CENPC: variants seen among roughly 807,000 people sequenced by gnomAD.
The protein encoded by CENPC is CENP-C 1.
A neutral mutation model predicts 112.1 loss-of-function variants in CENPC; 63 were observed. The ratio of observed to expected loss-of-function variants is 0.56; its 90% CI spans 0.46 to 0.69. CENPC has a LOEUF of 0.69. CENPC is among the 30% of genes least tolerant of loss of function. The pLI is 0.00. For synonymous variants in CENPC, 333 were observed against 367.6 expected (o/e 0.91, Z 1.08); for missense variants, 1,000 against 1,103.8 (o/e 0.91, Z 1.33).
At chr4:67,510,358 AATTTCCAAGTC>A (rs1725860140) in intron 9 of CENPC, among the ~76,000 whole-genome samples, 1 of 152,156 alleles carries the variant, frequency 6.6e-6, no homozygotes, top group Non-Finnish European at 1.5e-5. Flanking sequence ...AGCTTTCCCT[AATTTCCAAGTC>A]TTAGGTAGCT....
At chr4:67,513,179 A>G (rs1725944650) in intron 8 of CENPC, among the ~76,000 whole-genome samples, 1 of 152,114 alleles carries the variant, frequency 6.6e-6, no homozygotes, top group Admixed American at 6.6e-5. Context: ...AAAGGCAAAG[A>G]AACAGACTTC....
At chr4:67,478,828 CACTT>C (rs1191905617) in intron 17 of CENPC, among the ~76,000 whole-genome samples, 2 of 152,164 alleles carry the variant, frequency 1.3e-5, no homozygotes, top group African/African-American at 4.8e-5. Context: ...TCAAAAGACT[CACTT>C]AACACATAAG....
chr4:67,517,533 C>T (rs1057398242), intron 7 of CENPC, among the ~76,000 whole-genome samples: 2 of 150,472 alleles, frequency 1.3e-5, no homozygotes. Flanking sequence ...CCTAACATAA[C>T]GATTTCTAAA....
At chr4:67,482,158 CA>C (rs1165686122) in intron 17 of CENPC, among the ~76,000 whole-genome samples, 3 of 151,412 alleles carry the variant, frequency 2.0e-5, no homozygotes, top group East Asian at 1.9e-4. Flanking sequence ...AAGAAGCACA[CA>C]AAAAAAATGC....
chr4:67,527,493 CTTTTTTTTT>C lies in CENPC; in HGVS notation c.331+3313_331+3321del, dbSNP rs11317672. Among the ~76,000 whole-genome samples, 325 of 68,138 alleles carry C rather than the reference CTTTTTTTTT, an allele frequency of 4.8e-3. 2 individuals carry two copies. The highest frequency in any genetic ancestry group is 0.018 in the African/African-American group (306 of 17,288). The allele number at this position is 68,138 out of a possible 152,430, so 44.7% of individuals were successfully genotyped here. On this transcript the variant is annotated intron_variant, in intron 5 of 18. Transcript: ENST00000273853. ...ACAACGCTAGAATTTTCACCCCATC[CTTTTTTTTT>C]TTTTTTTTTTTTTTTTTGAGACAGG...
intron 17 of CENPC, among the ~76,000 whole-genome samples, chr4:67,484,866 G>A (rs1725051329): frequency 6.6e-6 from 1 of 152,162 alleles, no homozygotes; most frequent in African/African-American, 2.4e-5. Context: ...GGCCTAGGTG[G>A]GCGGATCACG....
intron 5 of CENPC, among the ~76,000 whole-genome samples, chr4:67,525,381 T>C (rs753587209): frequency 1.3e-5 from 2 of 152,140 alleles, no homozygotes; most frequent in Non-Finnish European, 2.9e-5. Context: ...ACAGGCAACC[T>C]ACAGAATGGG....
intron 17 of CENPC, among the ~76,000 whole-genome samples, chr4:67,481,289 T>C (rs937447978): frequency 9.9e-5 from 15 of 152,202 alleles, no homozygotes; most frequent in African/African-American, 3.1e-4. Flanking sequence ...CCCATGCTCA[T>C]GGATGGGTAG....
chr4:67,514,505 G>C lies in CENPC; in HGVS notation c.1013C>G (p.Thr338Ser). The C allele has an allele frequency of 2.5e-6, 4 of 1,613,414 alleles. No homozygotes were observed. In the African/African-American group the frequency reaches 5.3e-5, roughly 22 times the overall value. The change falls in exon 8 of 19, where the codon ACT becomes AGT. Residue 338 changes from threonine to serine, a missense_variant. Coordinates refer to ENST00000273853, the MANE Select transcript of CENPC (RefSeq NM_001812.4). ...KQRTISPAESTALLQGRKSRE... is the reference protein window; with the variant it reads ...KQRTISPAESSALLQGRKSRE... The stretch of plus-strand genomic sequence containing the variant: ...TGACTTTCTACCTTGAAGGAGTGCA[G>C]TGCTCTCAGCCGGGGATATTGTGCG...
chr4:67,527,530 CTGA>C (rs1726421227), intron 5 of CENPC, among the ~76,000 whole-genome samples: 1 of 101,956 alleles, frequency 9.8e-6, no homozygotes, highest in Non-Finnish European at 1.8e-5. Flanking sequence ...GAGACAGGGT[CTGA>C]CTCTGTACCC....
chr4:67,533,080 A>G (rs878889869), intron 4 of CENPC, among the ~76,000 whole-genome samples: 1 of 152,164 alleles, frequency 6.6e-6, no homozygotes, highest in Admixed American at 6.5e-5. Context: ...ACAGACTTAC[A>G]TGGTTTGCCT....
chr4:67,537,536 T>A (rs1286446334), intron 4 of CENPC, among the ~76,000 whole-genome samples: 3 of 152,098 alleles, frequency 2.0e-5, no homozygotes, highest in Non-Finnish European at 4.4e-5. Context: ...CTCACACCTG[T>A]AATCCCAGCA....
intron 18 of CENPC, among the ~76,000 whole-genome samples, chr4:67,474,507 G>A (rs570828888): frequency 1.3e-5 from 2 of 152,114 alleles, no homozygotes; most frequent in East Asian, 1.9e-4. Flanking sequence ...GATCTGTTAC[G>A]GCTAACATAG....
chr4:67,505,317 C>T (rs375531779), intron 11 of CENPC, 33 bp from the exon 12 acceptor site: 3 of 1,231,778 alleles, frequency 2.4e-6, no homozygotes, highest in Non-Finnish European at 3.4e-6. Flanking sequence ...AAAATTAATG[C>T]TTTTATAATA....
Position 67,471,444 on chromosome 4 carries a change from T to C in CENPC, c.*1161A>G, listed in dbSNP as rs1321766361. Reference sequence around the variant, plus strand: ...GAAATATACTAAAGGAAAAAAAGCATTCAGTGAAAACTAAATCTGTATGGG... The same window carrying C: ...GAAATATACTAAAGGAAAAAAAGCACTCAGTGAAAACTAAATCTGTATGGG... On this transcript the variant is annotated 3_prime_UTR_variant, in exon 19 of 19. Transcript: ENST00000273853. The C allele has an allele frequency of 2.0e-5, 3 of 152,106 alleles. No homozygotes were observed. Among genetic ancestry groups the C allele is most frequent in the Non-Finnish European group, 4.4e-5 (3 of 68,024 alleles). The allele number at this position is 152,106 out of a possible 1,614,324, so 9.4% of individuals were successfully genotyped here.
chr4:67,492,439 A>G (rs1725310504), intron 15 of CENPC, among the ~76,000 whole-genome samples, 164 bp from the exon 16 acceptor site: 1 of 152,216 alleles, frequency 6.6e-6, no homozygotes, highest in South Asian at 2.1e-4. Context: ...ATTCAAACTT[A>G]AAAACCCATA....
intron 5 of CENPC, among the ~76,000 whole-genome samples, chr4:67,524,733 TA>T (rs1185195696): frequency 2.6e-5 from 4 of 152,090 alleles, no homozygotes; most frequent in South Asian, 4.1e-4. Context: ...AGAATCAATA[TA>T]GTGAAAATGG....
Position 67,509,047 on chromosome 4 carries a change from G to A in CENPC, c.1671C>T (p.Ser557=). Residue 557 remains serine (S), a synonymous_variant, in exon 10 of 19, where the codon AGC becomes AGT. Coordinates refer to ENST00000273853, the MANE Select transcript of CENPC (RefSeq NM_001812.4). ...RNELPMHHNS[S]RKSTKKTNQS... is the part of the protein sequence containing the mutation. Reference sequence around the variant, plus strand: ...GATTTGTTTTCTTAGTAGATTTTCGGCTACTATTGTGATGCATTGGTAATT... The same window carrying A: ...GATTTGTTTTCTTAGTAGATTTTCGACTACTATTGTGATGCATTGGTAATT... 1 of 1,611,512 alleles carries A rather than the reference G, an allele frequency of 6.2e-7. No homozygotes were observed. Among genetic ancestry groups the A allele is most frequent in the Non-Finnish European group, 8.5e-7 (1 of 1,179,058 alleles).
rs1724625737 is a variant in CENPC, at chr4:67,470,470, G to T, written c.*2135C>A. ...AACTGTAATCCCAGCTACTCAGGAG[G>T]CTGACGCAGGAGAATTGCTTGAACC... On this transcript the variant is annotated 3_prime_UTR_variant, in exon 19 of 19. Transcript: ENST00000273853. 1 of 150,884 alleles carries T rather than the reference G, an allele frequency of 6.6e-6. No homozygotes were observed. The highest frequency in any genetic ancestry group is 6.7e-5 in the Admixed American group (1 of 14,990). 9.3% of individuals were successfully genotyped at this position (150,884 alleles called of 1,614,324 possible).
Sources: allele counts gnomAD v4.1 joint callset (sites outside exome capture counted in the v4.1 genomes callset), GRCh38; gene constraint gnomAD v4.1.1; transcripts MANE v1.5; gene names NCBI Gene and HGNC (gene_info 2026-07-23, HGNC 2026-07-21).